CDH18: variants seen among roughly 807,000 people sequenced by gnomAD.
CDH18 encodes the protein cadherin-18.
In CDH18, 31 loss-of-function variants were observed where a neutral mutation model predicts 67.9. The ratio of observed to expected loss-of-function variants is 0.46; its 90% CI spans 0.34 to 0.62. The LOEUF is 0.62. CDH18 is among the 20% of genes least tolerant of loss of function. CDH18 has a pLI of 0.01. For missense variants in CDH18, 890 were observed against 975.5 expected (o/e 0.91, Z 1.17); for synonymous variants, 362 against 347.2 (o/e 1.04, Z -0.48).
intron 1 of CDH18, among the ~76,000 whole-genome samples, chr5:20,372,096 G>A (rs1179101034): frequency 6.6e-6 from 1 of 152,172 alleles, no homozygotes; most frequent in African/African-American, 2.4e-5. Flanking sequence ...TGAACGAAAT[G>A]GGTATCAGCT....
At chr5:19,773,206 C>T (rs191535941) in intron 3 of CDH18, among the ~76,000 whole-genome samples, 3 of 152,090 alleles carry the variant, frequency 2.0e-5, no homozygotes, top group Admixed American at 1.3e-4. Flanking sequence ...TATAAAAATA[C>T]GTGGAAATCC....
intron 2 of CDH18, among the ~76,000 whole-genome samples, chr5:20,250,183 A>G (rs1342270380): frequency 6.6e-6 from 1 of 152,186 alleles, no homozygotes; most frequent in Non-Finnish European, 1.5e-5. Context: ...TACAAAGACA[A>G]TTTGTGTAAA....
chr5:19,998,368 A>G (rs191136441), intron 2 of CDH18, among the ~76,000 whole-genome samples: 1 of 152,292 alleles, frequency 6.6e-6, no homozygotes, highest in Non-Finnish European at 1.5e-5. Flanking sequence ...GTGATGAGCA[A>G]GGGACAATTC....
At chr5:20,537,930 A>G (rs180749447) in intron 1 of CDH18, among the ~76,000 whole-genome samples, 21 of 152,316 alleles carry the variant, frequency 1.4e-4, no homozygotes, top group Non-Finnish European at 1.6e-4. Flanking sequence ...AGTCATATTT[A>G]GCACAAATCA....
At chr5:20,304,173 C>T in intron 1 of CDH18, 2 of 1,530,496 alleles carry the variant, frequency 1.3e-6, no homozygotes, top group Non-Finnish European at 1.8e-6. Flanking sequence ...GGAACACAGA[C>T]AATAAAAACG....
chr5:20,198,476 C>T (rs1461552110), intron 2 of CDH18, among the ~76,000 whole-genome samples: 1 of 152,100 alleles, frequency 6.6e-6, no homozygotes, highest in African/African-American at 2.4e-5. Context: ...GAACTTTGAA[C>T]TTAAGAGAGA....
rs1173245359 is a variant in CDH18, at chr5:19,488,418, C to G, written c.1631-4866G>C. Among the ~76,000 whole-genome samples, 4 of 152,192 alleles carry G rather than the reference C, an allele frequency of 2.6e-5. No homozygotes were observed. The East Asian group carries it at 7.7e-4, about 29-fold the overall frequency. The stretch of plus-strand genomic sequence containing the variant: ...AGTAATATTTCCAAATCTATCAGAA[C>G]AGCAGAAACATTTGAAATCCTCAGA... On this transcript the variant is annotated intron_variant, in intron 11 of 12. Transcript: ENST00000382275.
chr5:19,746,878 T>TA (rs1770070710), intron 4 of CDH18, 64 bp downstream of exon 4: 1 of 1,378,286 alleles, frequency 7.3e-7, no homozygotes, highest in Admixed American at 1.9e-5. Context: ...ATTGGTATTC[T>TA]AAAGATGACT....
intron 1 of CDH18, among the ~76,000 whole-genome samples, chr5:20,456,695 CTAATTT>C (rs147054170): frequency 0.04 from 4,879 of 122,708 alleles, 173 homozygotes; most frequent in African/African-American, 0.089. Flanking sequence ...TTTAAGTGGA[CTAATTT>C]TAAACACATG....
At chr5:20,493,009 T>C (rs569619630) in intron 1 of CDH18, among the ~76,000 whole-genome samples, 1 of 152,230 alleles carries the variant, frequency 6.6e-6, no homozygotes, top group Admixed American at 6.5e-5. Context: ...ACAGGATTAT[T>C]TGTGTCATGC....
intron 2 of CDH18, among the ~76,000 whole-genome samples, chr5:20,198,653 A>G (rs1049924681): frequency 1.3e-5 from 2 of 152,192 alleles, no homozygotes; most frequent in South Asian, 2.1e-4. Flanking sequence ...AATAACAAGG[A>G]GCCATAGGCT....
intron 6 of CDH18, among the ~76,000 whole-genome samples, chr5:19,593,977 A>G (rs1429303333): frequency 1.3e-5 from 2 of 151,938 alleles, no homozygotes; most frequent in African/African-American, 2.4e-5. Flanking sequence ...ATCATTATCA[A>G]GACTAACGTC....
chr5:19,929,494 G>A (rs1793449086), intron 2 of CDH18, among the ~76,000 whole-genome samples: 2 of 152,038 alleles, frequency 1.3e-5, no homozygotes, highest in African/African-American at 2.4e-5. Context: ...ATATTTAGAT[G>A]GTATCAGCCC....
intron 2 of CDH18, among the ~76,000 whole-genome samples, chr5:20,179,301 G>A (rs188430828): frequency 2.6e-5 from 4 of 152,196 alleles, no homozygotes; most frequent in Non-Finnish European, 4.4e-5. Flanking sequence ...AACACAGATT[G>A]AGAGATTAAA....
chr5:20,215,072 C>G (rs189012435), intron 2 of CDH18, among the ~76,000 whole-genome samples: 6 of 151,950 alleles, frequency 3.9e-5, no homozygotes, highest in Admixed American at 2.0e-4. Flanking sequence ...ATGTGGCCAA[C>G]AAACATATAA....
At chr5:19,604,778 G>T (rs901107218) in intron 6 of CDH18, among the ~76,000 whole-genome samples, 4 of 151,634 alleles carry the variant, frequency 2.6e-5, no homozygotes, top group African/African-American at 9.7e-5. Flanking sequence ...CTTTAAAATC[G>T]TTTAACCCAA....
At chr5:20,571,019 C>T (rs1454232450) in intron 1 of CDH18, among the ~76,000 whole-genome samples, 2 of 152,038 alleles carry the variant, frequency 1.3e-5, no homozygotes. Context: ...TAGAGTAAAC[C>T]CAATAGACAT....
rs138176828 is a variant in CDH18 at position 20,204,133 on chromosome 5, G to A, written c.-518+51311C>T. Among the ~76,000 whole-genome samples the A allele has an allele frequency of 6.8e-3, 1,034 of 152,048 alleles. 8 individuals are homozygous for A. The highest frequency in any genetic ancestry group is 0.02 in the Middle Eastern group (6 of 294). On this transcript the variant is annotated intron_variant, in intron 2 of 14. Coordinates refer to the CDH18 transcript ENST00000507958. ...ACTTGAGAAACATATACACATCCAG[G>A]TGCAGAAACGTCAGAGAACACCAAA...
chr5:20,323,456 A>G (rs1015622236), intron 1 of CDH18, among the ~76,000 whole-genome samples: 1 of 152,170 alleles, frequency 6.6e-6, no homozygotes, highest in Admixed American at 6.5e-5. Flanking sequence ...GTTTTAAGAG[A>G]ATGTACTTGG....
Sources: gnomAD v4.1 joint callset for allele counts (sites outside exome capture counted in the v4.1 genomes callset) on GRCh38, gnomAD v4.1.1 for gene constraint, MANE v1.5 for transcripts, NCBI Gene and HGNC (gene_info 2026-07-23, HGNC 2026-07-21) for gene names.